ZNF407: variants seen among roughly 807,000 people sequenced by gnomAD.
The protein encoded by ZNF407 is zinc finger protein 407.
Under a neutral mutation model 131.2 loss-of-function variants are expected in ZNF407, and 17 were observed. That is an observed-to-expected ratio of 0.13 (90% CI 0.09 to 0.19). The LOEUF is 0.19. Ranked by LOEUF, ZNF407 falls within the 10% of genes least tolerant of loss-of-function variation. The pLI is 1.00. For missense variants in ZNF407, 2,681 were observed against 2,830.6 expected (o/e 0.95, Z 1.20); for synonymous variants, 1,156 against 1,062.0 (o/e 1.09, Z -1.72).
At chr18:74,664,636 AGCC>A (rs1340226335) in intron 3 of ZNF407, among the ~76,000 whole-genome samples, 1 of 152,254 alleles carries the variant, frequency 6.6e-6, no homozygotes, top group Non-Finnish European at 1.5e-5. Context: ...TTGAAGAAAT[AGCC>A]TTAAAAATCC....
At chr18:74,705,551 G>A (rs750265356) in intron 3 of ZNF407, among the ~76,000 whole-genome samples, 3 of 152,222 alleles carry the variant, frequency 2.0e-5, no homozygotes, top group Admixed American at 1.3e-4. Context: ...ATATGTATTG[G>A]TAGATTAGAC....
At chr18:74,696,397 T>C (rs1046415602) in intron 3 of ZNF407, among the ~76,000 whole-genome samples, 1 of 152,246 alleles carries the variant, frequency 6.6e-6, no homozygotes, top group Non-Finnish European at 1.5e-5. Flanking sequence ...CACTCTAATG[T>C]AACCAGTTTT....
chr18:74,782,321 A>C lies in ZNF407; in HGVS notation c.4877+819A>C, dbSNP rs566223328. 2.0e-5 allele frequency among the ~76,000 whole-genome samples: 3 copies of C among 152,316 alleles called. No homozygotes were observed. The South Asian group carries it at 6.2e-4, about 32-fold the overall frequency. ...TGATGCAATTTTTTCTGTTACTCTG[A>C]AGCCTGAGGTCTTCAGTCATATTTG... On this transcript the variant is annotated intron_variant, in intron 4 of 8. Transcript: ENST00000299687.
chr18:74,881,613 A>G (rs1299895240), intron 6 of ZNF407, among the ~76,000 whole-genome samples: 3 of 151,846 alleles, frequency 2.0e-5, no homozygotes, highest in African/African-American at 4.8e-5. Context: ...CCGCCTGTCT[A>G]TCAATCCATC....
intron 4 of ZNF407, among the ~76,000 whole-genome samples, chr18:74,805,276 T>A (rs2145078397): frequency 6.6e-6 from 1 of 152,346 alleles, no homozygotes; most frequent in Non-Finnish European, 1.5e-5. Flanking sequence ...AATCTTTGAT[T>A]GCATTTTTAA....
intron 3 of ZNF407, among the ~76,000 whole-genome samples, chr18:74,752,887 A>G (rs1337618738): frequency 1.3e-5 from 2 of 152,160 alleles, no homozygotes; most frequent in African/African-American, 4.8e-5. Flanking sequence ...TGAACTTTAA[A>G]GTAGTTTTTT....
intron 6 of ZNF407, among the ~76,000 whole-genome samples, chr18:74,882,471 G>C (rs1971251712): frequency 6.6e-6 from 1 of 152,194 alleles, no homozygotes; most frequent in African/African-American, 2.4e-5. Context: ...GTTACATTAT[G>C]ATTCTTGATA....
In ZNF407 at chr18:74,703,423, A is replaced by G. The variant is rs371377987; in HGVS notation, c.4802+62301A>G. ...CTCTTGTTGCCCAGGCTGGAGTGCA[A>G]TGGTGCAATCTCGGCTCACCGCAAC... On this transcript the variant is annotated intron_variant, in intron 3 of 8. Transcript: ENST00000299687. This position sits in a 1 kb window ranked among gnomAD's most constrained non-coding sequence, Gnocchi z 4.1. Among the ~76,000 whole-genome samples, 3 of 151,650 alleles carry G rather than the reference A, an allele frequency of 2.0e-5. No homozygotes were observed. The highest frequency in any genetic ancestry group is 4.8e-5 in the African/African-American group (2 of 41,264).
At chr18:74,772,889 G>A (rs539968828) in intron 3 of ZNF407, among the ~76,000 whole-genome samples, 5 of 152,194 alleles carry the variant, frequency 3.3e-5, no homozygotes, top group East Asian at 1.9e-4. Flanking sequence ...AAAAGTCTTG[G>A]TAGCAAAAAA....
chr18:74,881,797 T>C (rs1045376802), intron 6 of ZNF407, among the ~76,000 whole-genome samples: 1 of 152,216 alleles, frequency 6.6e-6, no homozygotes, highest in African/African-American at 2.4e-5. Context: ...TTAAGAACTG[T>C]ATTAGTCCTT....
intron 3 of ZNF407, among the ~76,000 whole-genome samples, chr18:74,739,691 G>A (rs527532160): frequency 2.6e-4 from 39 of 151,966 alleles, no homozygotes; most frequent in African/African-American, 7.7e-4. Flanking sequence ...TATATGAATC[G>A]TAATTATAAG....
chr18:74,644,058 C>T (rs1234658790), intron 3 of ZNF407, among the ~76,000 whole-genome samples: 2 of 151,820 alleles, frequency 1.3e-5, no homozygotes, highest in East Asian at 1.9e-4. Flanking sequence ...CAAGGTTTAC[C>T]TGCTCATGTC....
intron 8 of ZNF407, among the ~76,000 whole-genome samples, chr18:75,038,719 G>T (rs531028293): frequency 6.6e-6 from 1 of 152,286 alleles, no homozygotes; most frequent in Non-Finnish European, 1.5e-5. Context: ...CTTTTCAGGG[G>T]TTCGCTTAGA....
chr18:74,804,186 C>CACACACAA lies in ZNF407; in HGVS notation c.4877+22685_4877+22686insCACACAAA, dbSNP rs1352881938. ...GTGTACTTCTTTGCATACTTGAATT[C>CACACACAA]ATTTGTGTGATGTAAATCATCACAC... On this transcript the variant is annotated intron_variant, in intron 4 of 8. Coordinates refer to ENST00000299687, the MANE Select transcript of ZNF407 (RefSeq NM_017757.3). 19 of 1,370,208 alleles carry CACACACAA rather than the reference C, an allele frequency of 1.4e-5. No homozygotes were observed. The African/African-American group carries it at 2.7e-4, about 19-fold the overall frequency. 84.9% of individuals were successfully genotyped at this position (1,370,208 alleles called of 1,614,324 possible). A position where few individuals can be genotyped will look rare whatever the true frequency, so the allele number is the denominator to read the frequency against.
At chr18:74,986,803 G>T (rs2959167) in intron 8 of ZNF407, among the ~76,000 whole-genome samples, 31,324 of 152,016 alleles carry the variant, frequency 0.21, 3,675 homozygotes, top group Admixed American at 0.3. Context: ...AGAATATGCC[G>T]TATCCTGTAT....
chr18:74,749,138 A>G (rs1456804886), intron 3 of ZNF407, among the ~76,000 whole-genome samples: 3 of 152,126 alleles, frequency 2.0e-5, no homozygotes, highest in African/African-American at 7.2e-5. Flanking sequence ...CAAAACTCTC[A>G]TTTGTTAGCC....
intron 3 of ZNF407, among the ~76,000 whole-genome samples, chr18:74,760,426 G>A (rs950951839): frequency 6.6e-5 from 10 of 152,178 alleles, no homozygotes; most frequent in Non-Finnish European, 1.3e-4. Context: ...TCTGGAGTAT[G>A]TTGGAGCTTT....
chr18:74,656,356 C>T (rs961558856), intron 3 of ZNF407, among the ~76,000 whole-genome samples: 10 of 152,108 alleles, frequency 6.6e-5, no homozygotes, highest in African/African-American at 2.4e-4. Flanking sequence ...CACATACATA[C>T]ATACGTACAT....
chr18:75,045,352 C>T (rs1014848194), intron 8 of ZNF407, among the ~76,000 whole-genome samples: 3 of 152,104 alleles, frequency 2.0e-5, no homozygotes, highest in African/African-American at 7.2e-5. Context: ...AGATTATAAG[C>T]ACTCAACTTG....
Sources: gnomAD v4.1 joint callset for allele counts (sites outside exome capture counted in the v4.1 genomes callset) on GRCh38, gnomAD v4.1.1 for gene constraint, Gnocchi (gnomAD v3.1) non-coding constraint, MANE v1.5 for transcripts, NCBI Gene and HGNC (gene_info 2026-07-23, HGNC 2026-07-21) for gene names.